Variants in CLCF1 observed in about 807,000 individuals in gnomAD.
CLCF1 encodes cardiotrophin like cytokine factor 1, also known as cardiotrophin-like cytokine factor 1.
CLCF1 carries 10 observed loss-of-function variants against 21.2 expected under a neutral mutation model. The ratio of observed to expected loss-of-function variants is 0.47; its 90% CI spans 0.29 to 0.80. The LOEUF is 0.80. Ranked by LOEUF, CLCF1 falls within the 30% of genes least tolerant of loss-of-function variation. CLCF1 has a pLI of 0.09. For missense variants in CLCF1, 240 were observed against 293.4 expected (o/e 0.82, Z 1.33); for synonymous variants, 115 against 120.5 (o/e 0.95, Z 0.30).
At position 67,365,859 on chromosome 11, in the gene CLCF1, G is replaced by A. The variant is rs540908854; in HGVS notation, c.184-229C>T. ...GTGGTGAGCTCTCCAATGGAGAGGC[G>A]TAGAAAAAGGAGGAGGAGGAGACGC... On this transcript the variant is annotated intron_variant, in intron 2 of 2. Transcript: ENST00000312438. This position sits in a 1 kb window ranked among gnomAD's most constrained non-coding sequence, Gnocchi z 5.0. Among the ~76,000 whole-genome samples the A allele has an allele frequency of 8.5e-5, 13 of 152,310 alleles. No individual in the cohort carries two copies. Among genetic ancestry groups the A allele is most frequent in the Admixed American group, 3.9e-4 (6 of 15,288 alleles).
intron 1 of CLCF1, chr11:67,370,780 TGA>T: frequency 1.0e-6 from 1 of 985,072 alleles, no homozygotes; most frequent in Non-Finnish European, 1.2e-6. Flanking sequence ...CCAGTGAGGG[TGA>T]GAGTTCAGCC....
At position 67,370,591 on chromosome 11, in the gene CLCF1, G is replaced by C. The variant is rs960433038; in HGVS notation, c.16+2933C>G. On this transcript the variant is annotated intron_variant, in intron 1 of 2. Transcript: ENST00000312438. ...TTCCATCCAGATCCCTGGGCCCTAG[G>C]AACCAAGGCTCTCCTCATGAACACA... 1.9e-5 allele frequency: 18 copies of C among 952,240 alleles called. No individual in the cohort carries two copies. The African/African-American group carries it at 4.4e-4, about 23-fold the overall frequency. The allele number at this position is 952,240 out of a possible 1,614,324, so 59.0% of individuals were successfully genotyped here.
chr11:67,366,996 A>G (rs1444058464), intron 2 of CLCF1, among the ~76,000 whole-genome samples: 3 of 152,002 alleles, frequency 2.0e-5, no homozygotes, highest in Non-Finnish European at 4.4e-5. Context: ...CCCCCCTAGG[A>G]GGCCCAGCTA....
At chr11:67,373,980 C>T (rs2134908728), upstream of CLCF1, 1 of 850,648 alleles carries the variant, frequency 1.2e-6, no homozygotes, top group Non-Finnish European at 1.3e-6. Flanking sequence ...TCTCCCCAGG[C>T]GTTGGCCTGG....
Position 67,364,984 on chromosome 11 carries a change from G to C in CLCF1, c.*152C>G. 1 of 1,288,684 alleles carries C rather than the reference G, an allele frequency of 7.8e-7. No homozygotes were observed. The highest frequency in any genetic ancestry group is 1.4e-5 in the South Asian group (1 of 72,356). 79.8% of individuals were successfully genotyped at this position (1,288,684 alleles called of 1,614,324 possible). A position where few individuals can be genotyped will look rare whatever the true frequency, so the allele number is the denominator to read the frequency against. On this transcript the variant is annotated 3_prime_UTR_variant, in exon 3 of 3. Transcript: ENST00000312438. ...ACCTTTGGGAGGTGGGGAGGAGACA[G>C]GGCTGATCGCATCACACGCCCAGCC...
intron 1 of CLCF1, chr11:67,369,393 G>A (rs773294147): frequency 3.0e-6 from 3 of 985,372 alleles, no homozygotes; most frequent in Non-Finnish European, 3.6e-6. Context: ...TCCCTGGGGA[G>A]ACCAGCTCAC....
At position 67,364,931 on chromosome 11, in the gene CLCF1, C is replaced by T; in HGVS notation, c.*205G>A. 1.4e-6 allele frequency: 1 copy of T among 737,958 alleles called. No homozygotes were observed. Among genetic ancestry groups the T allele is most frequent in the East Asian group, 2.7e-5 (1 of 36,488 alleles). The allele number at this position is 737,958 out of a possible 1,614,324, so 45.7% of individuals were successfully genotyped here. A position where few individuals can be genotyped will look rare whatever the true frequency, so the allele number is the denominator to read the frequency against. On this transcript the variant is annotated 3_prime_UTR_variant, in exon 3 of 3. Coordinates refer to ENST00000312438, the MANE Select transcript of CLCF1 (RefSeq NM_013246.3). ...CTGTAGAAACAGGACAGGACAGGGC[C>T]TACTGTACCTCCTCCCCAGCTCGGT...
chr11:67,369,761 G>T (rs1022665548), intron 1 of CLCF1: 1 of 985,328 alleles, frequency 1.0e-6, no homozygotes, highest in Admixed American at 6.1e-5. Flanking sequence ...CGGAGTTCTA[G>T]GCTCTGCCTT....
At chr11:67,370,721 G>A (rs1408119726) in intron 1 of CLCF1, 6 of 985,254 alleles carry the variant, frequency 6.1e-6, no homozygotes, top group Non-Finnish European at 7.2e-6. Flanking sequence ...AGCCACTTTA[G>A]CCAGCTGCCC....
intron 1 of CLCF1, chr11:67,369,081 G>T: frequency 1.0e-6 from 1 of 985,084 alleles, no homozygotes; most frequent in Non-Finnish European, 1.2e-6. Context: ...ATTCAAGAAA[G>T]AATGAAGACT....
At chr11:67,371,992 G>T (rs554512507) in intron 1 of CLCF1, among the ~76,000 whole-genome samples, 255 of 152,244 alleles carry the variant, frequency 1.7e-3, no homozygotes, top group South Asian at 1.0e-2. Context: ...CCGGTGGAGC[G>T]TGTGGCTCCA....
chr11:67,371,199 T>A, intron 1 of CLCF1: 1 of 423,420 alleles, frequency 2.4e-6, no homozygotes, highest in Non-Finnish European at 3.2e-6. Context: ...TCTGGGCTGC[T>A]GCTTTCCCCT....
intron 1 of CLCF1, chr11:67,368,584 T>C: frequency 1.0e-6 from 1 of 985,372 alleles, no homozygotes; most frequent in Non-Finnish European, 1.2e-6. Flanking sequence ...AGTGGACACT[T>C]TGGACTGGCA....
intron 1 of CLCF1, chr11:67,369,750 C>T: frequency 4.1e-6 from 4 of 985,456 alleles, no homozygotes; most frequent in Non-Finnish European, 4.8e-6. Context: ...CACATGCTGG[C>T]CGGAGTTCTA....
intron 1 of CLCF1, chr11:67,369,294 C>T: frequency 1.0e-6 from 1 of 985,372 alleles, no homozygotes; most frequent in Non-Finnish European, 1.2e-6. Flanking sequence ...TGGGGTACCA[C>T]AAGTCACAGG....
rs1862075037 is a variant in CLCF1, at chr11:67,365,434, GC to G, written c.379del (p.Ala127LeufsTer62). ...LRGLNRQAATAELRRSLAHFC... is the reference protein window; with the variant it reads ...LRGLNRQAATXELRRSLAHFC... ...GTGGGCCAGGCTGCGGCGCAGCTCA[GC>G]AGTGGCAGCCTGACGGTTGAGGCCA... On this transcript the variant is annotated frameshift_variant, in exon 3 of 3. Coordinates refer to ENST00000312438, the MANE Select transcript of CLCF1 (RefSeq NM_013246.3). LOFTEE classifies it high-confidence loss of function. The surrounding 1 kb of genome is among the most constrained non-coding windows in gnomAD (Gnocchi z 5.0). 6.2e-7 allele frequency: 1 copy of G among 1,613,710 alleles called. No homozygotes were observed. The highest frequency in any genetic ancestry group is 8.5e-7 in the Non-Finnish European group (1 of 1,179,908).
At chr11:67,374,080 C>A, upstream of CLCF1, 6 of 986,374 alleles carry the variant, frequency 6.1e-6, no homozygotes, top group Non-Finnish European at 7.2e-6. Context: ...TCCCACCCTA[C>A]CTCTGCCTCC....
At position 67,373,516 on chromosome 11, in the gene CLCF1, G is replaced by C; in HGVS notation, c.16+8C>G. On this transcript the variant is annotated splice_region_variant and intron_variant, in intron 1 of 2. Coordinates refer to ENST00000312438, the MANE Select transcript of CLCF1 (RefSeq NM_013246.3). Reference sequence around the variant, plus strand: ...CGGGGGTCGGGGCCTCGGCCGCCTGGCTCCTACCTGCTCGGAGGTCCATGG... The same window carrying C: ...CGGGGGTCGGGGCCTCGGCCGCCTGCCTCCTACCTGCTCGGAGGTCCATGG... 1 of 1,401,718 alleles carries C rather than the reference G, an allele frequency of 7.1e-7. No individual in the cohort carries two copies. Among genetic ancestry groups the C allele is most frequent in the South Asian group, 1.4e-5 (1 of 72,606 alleles). The allele number at this position is 1,401,718 out of a possible 1,614,324, so 86.8% of individuals were successfully genotyped here. A position where few individuals can be genotyped will look rare whatever the true frequency, so the allele number is the denominator to read the frequency against.
Position 67,364,997 on chromosome 11 carries a change from CA to C in CLCF1, c.*138del. On this transcript the variant is annotated 3_prime_UTR_variant, in exon 3 of 3. Coordinates refer to ENST00000312438, the MANE Select transcript of CLCF1 (RefSeq NM_013246.3). ...GGGGAGGAGACAGGGCTGATCGCAT[CA>C]CACGCCCAGCCGGTCCAGGAAAGGG... The C allele has an allele frequency of 7.0e-7, 1 of 1,433,106 alleles. No individual in the cohort carries two copies. Among genetic ancestry groups the C allele is most frequent in the Non-Finnish European group, 9.5e-7 (1 of 1,056,516 alleles). The allele number at this position is 1,433,106 out of a possible 1,614,324, so 88.8% of individuals were successfully genotyped here.
Sources: allele counts gnomAD v4.1 joint callset (sites outside exome capture counted in the v4.1 genomes callset), GRCh38; gene constraint gnomAD v4.1.1; non-coding constraint Gnocchi (gnomAD v3.1); transcripts MANE v1.5; gene names NCBI Gene and HGNC (gene_info 2026-07-23, HGNC 2026-07-21).